The following LIPF variants were observed in gnomAD, a reference collection of about 807,000 sequenced individuals.
LIPF encodes the protein lipase F, gastric type, also known as gastric triacylglycerol lipase.
A neutral mutation model predicts 38.0 loss-of-function variants in LIPF; 25 were observed. The observed-to-expected ratio is 0.66, with a 90% CI of 0.48 to 0.92. The LOEUF is 0.92. LIPF is among the 40% of genes least tolerant of loss of function. The probability of loss-of-function intolerance (pLI) is 0.00; values close to 1 mark genes in which losing one functional copy is unlikely to be tolerated. For synonymous variants in LIPF, 161 were observed against 156.2 expected, an observed-to-expected ratio of 1.03 and a Z score of -0.23; for missense variants, 410 against 469.9, an observed-to-expected ratio of 0.87 and a Z score of 1.18.
At chr10:88,675,470 G>A in intron 7 of LIPF, 116 bp from the exon 8 acceptor site, 2 of 774,688 alleles carry the variant, frequency 2.6e-6, no homozygotes, top group Non-Finnish European at 4.3e-6. Flanking sequence ...TATCCTTCCA[G>A]TAAATGCTAC....
chr10:88,666,833 A>T (rs1841518812), intron 1 of LIPF, among the ~76,000 whole-genome samples: 1 of 152,224 alleles, frequency 6.6e-6, no homozygotes, highest in Non-Finnish European at 1.5e-5. Context: ...AATCACCATG[A>T]TTACTTTGAA....
At chr10:88,668,819 C>A in intron 4 of LIPF, 63 bp downstream of exon 4, 1 of 1,353,794 alleles carries the variant, frequency 7.4e-7, no homozygotes, top group African/African-American at 1.4e-5. Flanking sequence ...TTTGCCCCTT[C>A]TAATCCAGTC....
In LIPF at chr10:88,668,745, C is replaced by G. The variant is rs1244247517; in HGVS notation, c.411C>G (p.Phe137Leu). The change falls in exon 4 of 10, where the codon TTC becomes TTG. Residue 137 changes from phenylalanine to leucine, a missense_variant. Physicochemically the swap from Phe to Leu is conservative, Grantham distance 22 (BLOSUM62 0). Coordinates refer to ENST00000238983, the MANE Select transcript of LIPF (RefSeq NM_004190.4). Reference sequence around the variant, plus strand: ...ACTATTCACCAGATTCAGTTGAATTCTGGGCTTTCAGGTAAACAAAAGGGA... The same window carrying G: ...ACTATTCACCAGATTCAGTTGAATTGTGGGCTTTCAGGTAAACAAAAGGGA... ...NLYYSPDSVE[F>L]WAFSFDEMAK... The G allele has an allele frequency of 6.2e-7, 1 of 1,613,620 alleles. No individual in the cohort carries two copies. The highest frequency in any genetic ancestry group is 8.5e-7 in the Non-Finnish European group (1 of 1,179,612).
intron 1 of LIPF, among the ~76,000 whole-genome samples, chr10:88,666,839 T>G (rs920383580): frequency 4.6e-5 from 7 of 152,208 alleles, no homozygotes; most frequent in African/African-American, 1.7e-4. Flanking sequence ...CATGATTACT[T>G]TGAACACACG....
At chr10:88,666,968 T>C (rs913685296) in intron 1 of LIPF, among the ~76,000 whole-genome samples, 1 of 150,108 alleles carries the variant, frequency 6.7e-6, no homozygotes, top group African/African-American at 2.4e-5. Flanking sequence ...CACATTGTTA[T>C]GCCAATTAGA....
At chr10:88,675,197 G>A (rs901338706) in intron 7 of LIPF, among the ~76,000 whole-genome samples, 1 of 152,168 alleles carries the variant, frequency 6.6e-6, no homozygotes, top group African/African-American at 2.4e-5. Context: ...AGAGGCCTGT[G>A]TGTGAATATT....
chr10:88,665,349 A>G (rs1590107215), intron 1 of LIPF: 1 of 531,162 alleles, frequency 1.9e-6, no homozygotes, highest in East Asian at 2.8e-5. Context: ...GAAATGTACT[A>G]TTACAGGCCC....
chr10:88,672,625 A>AACACACACACAC (rs71471111), intron 6 of LIPF, among the ~76,000 whole-genome samples: 9 of 130,962 alleles, frequency 6.9e-5, no homozygotes, highest in East Asian at 4.4e-4. Flanking sequence ...CAGTAAAACC[A>AACACACACACAC]ACACACACAC....
intron 9 of LIPF, among the ~76,000 whole-genome samples, chr10:88,676,631 T>A (rs563112597): frequency 6.6e-6 from 1 of 152,192 alleles, no homozygotes; most frequent in Non-Finnish European, 1.5e-5. Context: ...ATTCTAACTG[T>A]TCATGGAATT....
intron 1 of LIPF, chr10:88,665,623 A>G: frequency 8.0e-7 from 1 of 1,250,160 alleles, no homozygotes; most frequent in Non-Finnish European, 1.1e-6. Flanking sequence ...GGGTTCCTGA[A>G]ATGTTTGATG....
intron 5 of LIPF, among the ~76,000 whole-genome samples, chr10:88,670,179 C>T (rs1841573687): frequency 6.6e-6 from 1 of 152,162 alleles, no homozygotes; most frequent in African/African-American, 2.4e-5. Flanking sequence ...GGCAGTCTGA[C>T]TCCCAAGCAC....
chr10:88,669,758 T>G, intron 4 of LIPF, 79 bp from the exon 5 acceptor site: 1 of 968,924 alleles, frequency 1.0e-6, no homozygotes, highest in Non-Finnish European at 1.6e-6. Flanking sequence ...CCCAAAGGGA[T>G]CATTAGCTAT....
Position 88,671,046 on chromosome 10 carries a change from G to A in LIPF, c.533-783G>A, listed in dbSNP as rs572890032. On this transcript the variant is annotated intron_variant, in intron 5 of 9. Coordinates refer to ENST00000238983, the MANE Select transcript of LIPF (RefSeq NM_004190.4). ...TCATCGATATGTCATTATTGACAGTGGGAGGGCCTTGCCTATGTAGCTATA... is the reference window on the plus strand; with the variant it reads ...TCATCGATATGTCATTATTGACAGTAGGAGGGCCTTGCCTATGTAGCTATA... Among the ~76,000 whole-genome samples the A allele has an allele frequency of 2.0e-5, 3 of 152,240 alleles. No individual in the cohort carries two copies. In the East Asian group the frequency reaches 5.8e-4, roughly 29 times the overall value.
chr10:88,668,484 G>A, intron 3 of LIPF, 74 bp from the exon 4 acceptor site: 1 of 1,313,228 alleles, frequency 7.6e-7, no homozygotes, highest in Non-Finnish European at 1.1e-6. Context: ...TCATATGGAA[G>A]ACTGTTTCTA....
intron 5 of LIPF, among the ~76,000 whole-genome samples, chr10:88,671,039 T>C (rs1410868316): frequency 6.6e-6 from 1 of 152,218 alleles, no homozygotes; most frequent in East Asian, 1.9e-4. Flanking sequence ...ATGTCATTAT[T>C]GACAGTGGGA....
At chr10:88,670,185 A>G (rs1841573724) in intron 5 of LIPF, among the ~76,000 whole-genome samples, 2 of 152,214 alleles carry the variant, frequency 1.3e-5, no homozygotes, top group Admixed American at 1.3e-4. Context: ...CTGACTCCCA[A>G]GCACATACTC....
At position 88,671,795 on chromosome 10, in the gene LIPF, A is replaced by G. The variant is rs148820788; in HGVS notation, c.533-34A>G. The G allele has an allele frequency of 2.2e-5, 36 of 1,600,272 alleles. No individual in the cohort carries two copies. In the East Asian group the frequency reaches 8.1e-4, roughly 36 times the overall value. Reference sequence around the variant, plus strand: ...AAAACAACAACAACAACACACACACACACCTTTTTCACCAGTTCCTTGTTC... The same window carrying G: ...AAAACAACAACAACAACACACACACGCACCTTTTTCACCAGTTCCTTGTTC... On this transcript the variant is annotated intron_variant, in intron 5 of 9. Coordinates refer to ENST00000238983, the MANE Select transcript of LIPF (RefSeq NM_004190.4).
chr10:88,674,858 G>A (rs904301213), intron 7 of LIPF, among the ~76,000 whole-genome samples: 3 of 152,126 alleles, frequency 2.0e-5, no homozygotes, highest in Non-Finnish European at 4.4e-5. Context: ...AAGTGTTGTG[G>A]TTACTTGTCA....
chr10:88,670,340 T>C (rs1841575798), intron 5 of LIPF, among the ~76,000 whole-genome samples: 1 of 152,156 alleles, frequency 6.6e-6, no homozygotes, highest in Admixed American at 6.5e-5. Context: ...ATTTATACTC[T>C]AGAGATAGGA....
Sources: gnomAD v4.1 joint callset for allele counts (sites outside exome capture counted in the v4.1 genomes callset) on GRCh38, gnomAD v4.1.1 for gene constraint, MANE v1.5 for transcripts, NCBI Gene and HGNC (gene_info 2026-07-23, HGNC 2026-07-21) for gene names.